FAM20C: variants seen among roughly 807,000 people sequenced by gnomAD.
FAM20C encodes the protein extracellular serine/threonine protein kinase FAM20C.
FAM20C carries 40 observed loss-of-function variants against 51.5 expected under a neutral mutation model. That is an observed-to-expected ratio of 0.78 (90% CI 0.60 to 1.01). The LOEUF is 1.01. FAM20C is among the 50% of genes least tolerant of loss of function. The pLI is 0.00. For missense variants in FAM20C, 861 were observed against 844.7 expected, an observed-to-expected ratio of 1.02 and a Z score of -0.24; for synonymous variants, 406 against 380.6, an observed-to-expected ratio of 1.07 and a Z score of -0.78.
At chr7:242,162 C>A (rs1236288273) in intron 3 of FAM20C, among the ~76,000 whole-genome samples, 2 of 152,060 alleles carry the variant, frequency 1.3e-5, no homozygotes, top group African/African-American at 4.8e-5. Flanking sequence ...ACGGTGAGCT[C>A]CTGCAGTGTA....
chr7:211,203 A>G (rs1344048504), intron 3 of FAM20C, among the ~76,000 whole-genome samples: 4 of 102,414 alleles, frequency 3.9e-5, no homozygotes, highest in African/African-American at 1.5e-4. Flanking sequence ...GCCTCCTCCA[A>G]CCTCCCTCAG....
intron 2 of FAM20C, 89 bp from the exon 3 acceptor site, chr7:208,809 C>T (rs1786567187): frequency 1.0e-5 from 14 of 1,364,076 alleles, no homozygotes; most frequent in Non-Finnish European, 1.4e-5. Context: ...CCAGAGGACC[C>T]GGATTGCAGC....
intron 3 of FAM20C, among the ~76,000 whole-genome samples, chr7:237,753 G>A (rs1787891029): frequency 6.6e-6 from 1 of 150,704 alleles, no homozygotes; most frequent in Admixed American, 6.6e-5. Context: ...TGATGATAAT[G>A]ATGATGATGG....
intron 3 of FAM20C, among the ~76,000 whole-genome samples, chr7:240,769 G>T (rs1042617516): frequency 6.6e-6 from 1 of 152,102 alleles, no homozygotes; most frequent in African/African-American, 2.4e-5. Flanking sequence ...CAATGCCACC[G>T]ATTGTGGCCC....
chr7:229,798 T>C (rs948488504), intron 3 of FAM20C, among the ~76,000 whole-genome samples: 1 of 152,158 alleles, frequency 6.6e-6, no homozygotes, highest in African/African-American at 2.4e-5. Flanking sequence ...GTGGTGGTTT[T>C]CTGCTGTGTG....
intron 3 of FAM20C, among the ~76,000 whole-genome samples, chr7:220,085 G>C (rs1436892596): frequency 6.6e-6 from 1 of 152,156 alleles, no homozygotes; most frequent in Non-Finnish European, 1.5e-5. Context: ...CTGACTCCCT[G>C]GGGGAAGCCA....
chr7:212,654 G>A (rs371391791), intron 3 of FAM20C, among the ~76,000 whole-genome samples: 1 of 152,078 alleles, frequency 6.6e-6, no homozygotes, highest in East Asian at 1.9e-4. Context: ...ACAGCGTGTG[G>A]GGGGCGGGAT....
At chr7:246,678 G>A (rs866634554) in intron 4 of FAM20C, among the ~76,000 whole-genome samples, 171 bp downstream of exon 4, 4 of 70,234 alleles carry the variant, frequency 5.7e-5, no homozygotes, top group African/African-American at 1.4e-4. Context: ...GCAGGGTCCT[G>A]TATGTCATCG....
At chr7:256,117 G>A (rs976431611) in intron 6 of FAM20C, 88 bp downstream of exon 6, 9 of 1,455,664 alleles carry the variant, frequency 6.2e-6, no homozygotes, top group Non-Finnish European at 8.2e-6. Flanking sequence ...CGGCGCCCAC[G>A]GGGGTGGCAG....
chr7:256,975 A>T, intron 7 of FAM20C, 30 bp from the exon 8 acceptor site: 1 of 1,536,404 alleles, frequency 6.5e-7, no homozygotes, highest in African/African-American at 1.4e-5. Context: ...GCTCCCCACG[A>T]GCTGTGACAC....
At chr7:193,842 C>T in intron 1 of FAM20C, 38 bp downstream of exon 1, 1 of 1,538,260 alleles carries the variant, frequency 6.5e-7, no homozygotes, top group Non-Finnish European at 8.8e-7. Flanking sequence ...CCCAAGGGAG[C>T]CGTGAGCCCA....
intron 3 of FAM20C, among the ~76,000 whole-genome samples, chr7:222,500 G>T (rs1020609405): frequency 4.6e-5 from 7 of 152,164 alleles, no homozygotes; most frequent in Admixed American, 4.6e-4. Flanking sequence ...CAGGCCCAGG[G>T]CTGGCACTGA....
intron 3 of FAM20C, chr7:246,193 C>A: frequency 2.0e-6 from 1 of 512,706 alleles, no homozygotes; most frequent in Non-Finnish European, 3.5e-6. Context: ...GGGTCAGGGC[C>A]ACGGGGAGCT....
At position 255,564 on chromosome 7, in the gene FAM20C, A is replaced by C. The variant is rs145784076; in HGVS notation, c.1073-285A>C. Among the ~76,000 whole-genome samples the C allele has an allele frequency of 0.11, 16,473 of 152,164 alleles. 937 individuals carry two copies. Among genetic ancestry groups the C allele is most frequent in the African/African-American group, 0.13 (5,315 of 41,484 alleles). On this transcript the variant is annotated intron_variant, in intron 5 of 9. Coordinates refer to ENST00000313766, the MANE Select transcript of FAM20C (RefSeq NM_020223.4). ...ACAATATGAATGCATTTTTTAAAAG[A>C]CTAAATGTTGGCCCTAGGGTTTCCA...
intron 2 of FAM20C, among the ~76,000 whole-genome samples, chr7:201,857 G>T (rs1786141400): frequency 6.6e-6 from 1 of 152,180 alleles, no homozygotes; most frequent in African/African-American, 2.4e-5. Flanking sequence ...AACTCTTAGT[G>T]CTGACAGCAA....
At position 193,503 on chromosome 7, in the gene FAM20C, C is replaced by G; in HGVS notation, c.304C>G (p.Leu102Val). 1 of 1,503,758 alleles carries G rather than the reference C, an allele frequency of 6.7e-7. No homozygotes were observed. Among genetic ancestry groups the G allele is most frequent in the Non-Finnish European group, 8.9e-7 (1 of 1,123,268 alleles). The allele number at this position is 1,503,758 out of a possible 1,614,324, so 93.2% of individuals were successfully genotyped here. A position where few individuals can be genotyped will look rare whatever the true frequency, so the allele number is the denominator to read the frequency against. Residue 102 changes from leucine to valine, a missense_variant, in exon 1 of 10, where the codon CTC becomes GTC. Physicochemically the swap from Leu to Val is conservative, Grantham distance 32. This residue lies in a region of FAM20C where 561 missense variants were observed against 499.8 expected (regional missense o/e 1.12). Transcript: ENST00000313766. Reference sequence around the variant, plus strand: ...CTTCAGCTCCGACCCCTCCTCCAACCTCTCGTCCCACTCGCTGGAGAAACT... The same window carrying G: ...CTTCAGCTCCGACCCCTCCTCCAACGTCTCGTCCCACTCGCTGGAGAAACT... ...QDFSSDPSSN[L>V]SSHSLEKLPP...
intron 3 of FAM20C, among the ~76,000 whole-genome samples, chr7:243,944 AATT>A: frequency 7.3e-6 from 1 of 136,844 alleles, no homozygotes; most frequent in Non-Finnish European, 1.6e-5. Flanking sequence ...TAATAATAAT[AATT>A]ATTATTATTA....
chr7:210,035 C>G (rs1451252759), intron 3 of FAM20C, among the ~76,000 whole-genome samples: 3 of 152,174 alleles, frequency 2.0e-5, no homozygotes, highest in Non-Finnish European at 4.4e-5. Context: ...TGAGTCACAG[C>G]CCCGTGCCTG....
rs1354842326 is a variant in FAM20C at position 195,547 on chromosome 7, C to T, written c.606-7C>T. On this transcript the variant is annotated splice_region_variant and splice_polypyrimidine_tract_variant and intron_variant, in intron 1 of 9. Coordinates refer to ENST00000313766, the MANE Select transcript of FAM20C (RefSeq NM_020223.4). ...ATGCTGATGTTCGTCCTCGCTGCTC[C>T]CTGCAGGCCGCATGCGGGTGCTGAA... The T allele has an allele frequency of 2.6e-6, 4 of 1,548,508 alleles. No homozygotes were observed. Among genetic ancestry groups the T allele is most frequent in the Admixed American group, 1.8e-5 (1 of 54,958 alleles).
Sources: allele counts gnomAD v4.1 joint callset (sites outside exome capture counted in the v4.1 genomes callset), GRCh38; gene constraint gnomAD v4.1.1; regional missense constraint gnomAD v4.1.1; transcripts MANE v1.5; gene names NCBI Gene and HGNC (gene_info 2026-07-23, HGNC 2026-07-21).